Variants in AK8 observed in about 807,000 individuals in gnomAD.
The protein encoded by AK8 is adenylate kinase 8, also known as ATP-AMP transphosphorylase 8.
In AK8, 44 loss-of-function variants were observed where a neutral mutation model predicts 54.6. The observed-to-expected ratio is 0.81, with a 90% CI of 0.63 to 1.04. The LOEUF is 1.04. AK8 is among the 50% of genes least tolerant of loss of function. AK8 has a pLI of 0.00. For missense variants in AK8, 555 were observed against 613.6 expected (o/e 0.90, Z 1.01); for synonymous variants, 239 against 245.6 (o/e 0.97, Z 0.25).
At chr9:132,797,875 C>G (rs1227096418) in intron 10 of AK8, among the ~76,000 whole-genome samples, 2 of 152,240 alleles carry the variant, frequency 1.3e-5, no homozygotes, top group Non-Finnish European at 2.9e-5. Context: ...TCCTGTAACT[C>G]CACCAGTTCC....
At chr9:132,875,398 C>T (rs145909443) in intron 1 of AK8, among the ~76,000 whole-genome samples, 199 bp from the exon 2 acceptor site, 313 of 152,274 alleles carry the variant, frequency 2.1e-3, no homozygotes, top group Non-Finnish European at 3.7e-3. Context: ...GGTGCTGCTG[C>T]GGAGGCACCT....
chr9:132,814,777 A>G, intron 9 of AK8, 50 bp from the exon 10 acceptor site: 1 of 1,545,834 alleles, frequency 6.5e-7, no homozygotes. Context: ...AAATAGGAGG[A>G]AGGATGAGAA....
At chr9:132,847,688 A>C (rs1273793561) in intron 5 of AK8, among the ~76,000 whole-genome samples, 1 of 152,194 alleles carries the variant, frequency 6.6e-6, no homozygotes, top group African/African-American at 2.4e-5. Context: ...TTAGCTTTAA[A>C]GATCAAAGAG....
rs756145003 is a variant in AK8 at position 132,823,241 on chromosome 9, C to T, written c.853G>A (p.Ala285Thr). The T allele has an allele frequency of 1.7e-5, 28 of 1,603,410 alleles. No individual in the cohort carries two copies. Among genetic ancestry groups the T allele is most frequent in the Non-Finnish European group, 2.4e-5 (28 of 1,175,446 alleles). The change falls in exon 9 of 13, where the codon GCC becomes ACC. Residue 285 changes from alanine (A) to threonine (T), a missense_variant. Coordinates refer to ENST00000298545, the MANE Select transcript of AK8 (RefSeq NM_152572.3). The part of the protein sequence containing the change: ...GPVGSGKSLQ[A>T]ALLAQKYRLV... ...CTGTATTTCTGGGCCAGGAGGGCGG[C>T]CTGCAGACTTTTCCCACTGCCCACA...
At chr9:132,834,487 T>C (rs1209649084) in intron 5 of AK8, among the ~76,000 whole-genome samples, 1 of 152,152 alleles carries the variant, frequency 6.6e-6, no homozygotes, top group Non-Finnish European at 1.5e-5. Context: ...ATGCAACCCC[T>C]GTTAGCACTG....
chr9:132,789,608 A>AG (rs1839861374), intron 11 of AK8, among the ~76,000 whole-genome samples: 1 of 150,442 alleles, frequency 6.6e-6, no homozygotes, highest in Non-Finnish European at 1.5e-5. Context: ...AAAAAAAAAA[A>AG]AAAAAAAAAA....
chr9:132,867,545 C>T (rs1049054313), intron 2 of AK8, among the ~76,000 whole-genome samples: 3 of 152,238 alleles, frequency 2.0e-5, no homozygotes, highest in African/African-American at 7.2e-5. Flanking sequence ...AATTCCCAAC[C>T]CAGGCTACTG....
intron 4 of AK8, among the ~76,000 whole-genome samples, chr9:132,861,229 T>C (rs887052975): frequency 1.3e-5 from 2 of 152,202 alleles, no homozygotes; most frequent in Admixed American, 1.3e-4. Context: ...AACATTACAG[T>C]GTGCCCTTTG....
At chr9:132,779,506 T>C (rs1839371144) in intron 11 of AK8, among the ~76,000 whole-genome samples, 2 of 152,184 alleles carry the variant, frequency 1.3e-5, no homozygotes, top group African/African-American at 4.8e-5. Context: ...ACTTGTTATG[T>C]GAGAACAGGC....
chr9:132,875,374 G>A (rs889970981), intron 1 of AK8, 175 bp from the exon 2 acceptor site: 2 of 950,302 alleles, frequency 2.1e-6, no homozygotes, highest in Non-Finnish European at 2.5e-6. Flanking sequence ...GCAGAGGCAT[G>A]AGGGGGGCCA....
chr9:132,821,496 GATTA>G (rs1205998152), intron 9 of AK8, among the ~76,000 whole-genome samples: 2 of 151,998 alleles, frequency 1.3e-5, no homozygotes, highest in Non-Finnish European at 2.9e-5. Flanking sequence ...TAAATGTCCT[GATTA>G]ATTTTCCATA....
At chr9:132,830,074 C>T (rs1028467490) in intron 5 of AK8, among the ~76,000 whole-genome samples, 1 of 152,204 alleles carries the variant, frequency 6.6e-6, no homozygotes, top group African/African-American at 2.4e-5. Flanking sequence ...ACACTGTACA[C>T]ACTGTTTGGT....
At chr9:132,834,445 A>C (rs1159212768) in intron 5 of AK8, among the ~76,000 whole-genome samples, 1 of 152,200 alleles carries the variant, frequency 6.6e-6, no homozygotes, top group African/African-American at 2.4e-5. Flanking sequence ...GACTAGCAAG[A>C]ATTTTTATCT....
At chr9:132,863,195 A>AAGGCTTAG (rs1451008246) in intron 4 of AK8, among the ~76,000 whole-genome samples, 2 of 152,224 alleles carry the variant, frequency 1.3e-5, no homozygotes, top group Non-Finnish European at 2.9e-5. Context: ...CAGGGTGCCC[A>AAGGCTTAG]AGGCTATGGG....
intron 4 of AK8, among the ~76,000 whole-genome samples, chr9:132,862,387 G>A (rs117950497): frequency 0.025 from 3,764 of 151,880 alleles, 118 homozygotes; most frequent in Non-Finnish European, 0.027. Context: ...GAGTGCAGTG[G>A]TGTGATCTTG....
chr9:132,746,282 T>C (rs1837650294), intron 11 of AK8, among the ~76,000 whole-genome samples: 1 of 152,136 alleles, frequency 6.6e-6, no homozygotes, highest in Non-Finnish European at 1.5e-5. Flanking sequence ...CCACCTTCAG[T>C]CCTCCTGTGG....
At chr9:132,809,517 A>G (rs993908695) in intron 10 of AK8, among the ~76,000 whole-genome samples, 1 of 151,964 alleles carries the variant, frequency 6.6e-6, no homozygotes, top group African/African-American at 2.4e-5. Context: ...ATCTGCCTCC[A>G]CTCAGTCAGG....
At chr9:132,797,758 G>GC (rs2131187426) in intron 10 of AK8, among the ~76,000 whole-genome samples, 2 of 152,130 alleles carry the variant, frequency 1.3e-5, no homozygotes, top group Non-Finnish European at 2.9e-5. Context: ...GATTGAAATG[G>GC]CCCCTGTGAG....
At chr9:132,749,322 C>T (rs1224896196) in intron 11 of AK8, among the ~76,000 whole-genome samples, 2 of 151,928 alleles carry the variant, frequency 1.3e-5, no homozygotes, top group Non-Finnish European at 1.5e-5. Flanking sequence ...TTCTCAAGGT[C>T]CCATCCCTAG....
Sources: allele counts gnomAD v4.1 joint callset (sites outside exome capture counted in the v4.1 genomes callset), GRCh38; gene constraint gnomAD v4.1.1; transcripts MANE v1.5; gene names NCBI Gene and HGNC (gene_info 2026-07-23, HGNC 2026-07-21).